IL12RB1: variants seen among roughly 807,000 people sequenced by gnomAD.
IL12RB1 encodes interleukin-12 receptor subunit beta-1.
In IL12RB1, 64 loss-of-function variants were observed where a neutral mutation model predicts 94.4. The ratio of observed to expected loss-of-function variants is 0.68; its 90% confidence interval spans 0.55 to 0.83. IL12RB1 has a LOEUF of 0.83. Among genes scored for constraint, IL12RB1 ranks in the 40% least tolerant of loss-of-function variants. IL12RB1 has a pLI of 0.00. For missense variants in IL12RB1, 814 were observed against 855.6 expected (o/e 0.95, Z 0.61); for synonymous variants, 362 against 355.5 (o/e 1.02, Z -0.21).
intron 2 of IL12RB1, chr19:18,083,002 G>A (rs567718897): frequency 3.5e-6 from 1 of 286,126 alleles, no homozygotes; most frequent in Admixed American, 4.7e-5. Flanking sequence ...AGAATAGCTT[G>A]AACCTGGAAG....
chr19:18,075,735 C>T lies in IL12RB1; in HGVS notation c.700+14G>A. ...TAATGCTTGCCCCTGTTCCTGTACT[C>T]AGAGTGATCTTACCAGGGGGAACGC... On this transcript the variant is annotated intron_variant, in intron 7 of 16. Coordinates refer to ENST00000593993, the MANE Select transcript of IL12RB1 (RefSeq NM_005535.3). The T allele has an allele frequency of 6.2e-7, 1 of 1,610,208 alleles. No individual in the cohort carries two copies. The highest frequency in any genetic ancestry group is 1.7e-5 in the Admixed American group (1 of 59,982).
chr19:18,084,283 T>TATCCATCCATCC lies in IL12RB1; in HGVS notation c.65-804_65-793dup, dbSNP rs201729346. 6.6e-3 allele frequency among the ~76,000 whole-genome samples: 860 copies of TATCCATCCATCC among 129,558 alleles called. 10 individuals carry two copies. Among genetic ancestry groups the TATCCATCCATCC allele is most frequent in the African/African-American group, 0.023 (784 of 33,764 alleles). 85.0% of individuals were successfully genotyped at this position (129,558 alleles called of 152,430 possible). A position where few individuals can be genotyped will look rare whatever the true frequency, so the allele number is the denominator to read the frequency against. On this transcript the variant is annotated intron_variant, in intron 1 of 16. Transcript: ENST00000593993. ...TCCATCCATCCACCCCCCATCCATC[T>TATCCATCCATCC]ATCCATCCATCCATCCATCCATCCA...
rs1568502518 is a variant in IL12RB1, at chr19:18,073,593, G to A, written c.707C>T (p.Pro236Leu). The A allele has an allele frequency of 1.2e-6, 2 of 1,609,030 alleles. No homozygotes were observed. Among genetic ancestry groups the A allele is most frequent in the Non-Finnish European group, 1.7e-6 (2 of 1,175,704 alleles). Residue 236 changes from proline (P) to leucine (L), a missense_variant, in exon 8 of 17, where the codon CCC becomes CTC. By Grantham distance (98) the Pro-to-Leu change is moderately conservative (BLOSUM62 -3). Coordinates refer to ENST00000593993, the MANE Select transcript of IL12RB1 (RefSeq NM_005535.3). ...CGAGAATCTCACCTGAGGCTGTGGG[G>A]GGTTTTCTGCAATCAGAACCAAACC... ...SSPVCVPPENPPQPQVRFSVE... is the reference protein window; with the variant it reads ...SSPVCVPPENLPQPQVRFSVE...
chr19:18,063,342 C>T (rs1032745789), intron 13 of IL12RB1, among the ~76,000 whole-genome samples: 14 of 151,974 alleles, frequency 9.2e-5, no homozygotes, highest in African/African-American at 2.9e-4. Flanking sequence ...AAGCAATCCT[C>T]CAGCCTCAGC....
intron 15 of IL12RB1, 142 bp downstream of exon 15, chr19:18,060,980 T>C: frequency 4.9e-6 from 3 of 609,022 alleles, no homozygotes; most frequent in Non-Finnish European, 9.2e-6. Context: ...CTGCCTGTCT[T>C]TAAAATGGGA....
intron 12 of IL12RB1, 131 bp from the exon 13 acceptor site, chr19:18,064,141 T>TTC: frequency 2.1e-6 from 1 of 468,514 alleles, no homozygotes; most frequent in Non-Finnish European, 3.7e-6. Context: ...TTTCTTTCTT[T>TTC]TTTTTTTTTT....
intron 12 of IL12RB1, among the ~76,000 whole-genome samples, chr19:18,064,673 C>T (rs2034443979): frequency 6.6e-6 from 1 of 151,702 alleles, no homozygotes; most frequent in Admixed American, 6.6e-5. Context: ...GAGGTTTCAC[C>T]ATGTTGGCCA....
At chr19:18,084,701 A>ATC (rs1568523051) in intron 1 of IL12RB1, among the ~76,000 whole-genome samples, 1 of 151,642 alleles carries the variant, frequency 6.6e-6, no homozygotes, top group Non-Finnish European at 1.5e-5. Flanking sequence ...ATCCATCCAT[A>ATC]CATACATACA....
At chr19:18,092,121 C>G (rs1394580839) in intron 1 of IL12RB1, among the ~76,000 whole-genome samples, 3 of 151,062 alleles carry the variant, frequency 2.0e-5, no homozygotes, top group African/African-American at 7.3e-5. Context: ...AAGTGATCTG[C>G]TGGCCTCGGC....
chr19:18,081,135 A>G, intron 3 of IL12RB1, 134 bp from the exon 4 acceptor site: 1 of 821,018 alleles, frequency 1.2e-6, no homozygotes, highest in Non-Finnish European at 1.9e-6. Flanking sequence ...TCATTCTGTC[A>G]CCCAGGCTGG....
At chr19:18,063,063 CCTTCTT>C (rs72009865) in intron 13 of IL12RB1, among the ~76,000 whole-genome samples, 3 of 136,202 alleles carry the variant, frequency 2.2e-5, no homozygotes, top group African/African-American at 2.9e-5. Context: ...TCTTTCTTCT[CCTTCTT>C]CTTCTTCTAT....
At chr19:18,079,659 C>T (rs1468581616) in intron 4 of IL12RB1, among the ~76,000 whole-genome samples, 1 of 151,916 alleles carries the variant, frequency 6.6e-6, no homozygotes, top group East Asian at 1.9e-4. Context: ...CCTGTAATCC[C>T]AGCACTTTGG....
chr19:18,083,126 T>TGG (rs5827396), intron 2 of IL12RB1: 107 of 445,632 alleles, frequency 2.4e-4, no homozygotes, highest in African/African-American at 1.3e-3. Flanking sequence ...TTTATCAGGT[T>TGG]GGGGGGGGGG....
chr19:18,075,348 C>T (rs966406384), intron 7 of IL12RB1, among the ~76,000 whole-genome samples: 2 of 151,526 alleles, frequency 1.3e-5, no homozygotes, highest in African/African-American at 2.4e-5. Flanking sequence ...GCAACCTCCA[C>T]CTCCCGGGTT....
At chr19:18,095,354 C>T (rs1056308669) in intron 1 of IL12RB1, among the ~76,000 whole-genome samples, 9 of 152,124 alleles carry the variant, frequency 5.9e-5, no homozygotes, top group African/African-American at 1.4e-4. Flanking sequence ...GGTCATGAAA[C>T]GGAATGAAGT....
chr19:18,088,488 C>T (rs2036482005), upstream of IL12RB1, among the ~76,000 whole-genome samples: 1 of 150,958 alleles, frequency 6.6e-6, no homozygotes, highest in Non-Finnish European at 1.5e-5. Flanking sequence ...GGCTTGAACC[C>T]AGGAGGTTGA....
intron 13 of IL12RB1, 31 bp from the exon 14 acceptor site, chr19:18,062,308 G>A (rs377244873): frequency 7.4e-7 from 1 of 1,353,932 alleles, no homozygotes. Flanking sequence ...TTGGCAGAGG[G>A]CTACCTCCTG....
At chr19:18,083,204 C>G in intron 2 of IL12RB1, 4 of 632,054 alleles carry the variant, frequency 6.3e-6, no homozygotes, top group Non-Finnish European at 1.1e-5. Context: ...GACACCAGCC[C>G]TGAGACCATG....
At chr19:18,097,511 T>C (rs773715487) in intron 1 of IL12RB1, among the ~76,000 whole-genome samples, 1 of 152,192 alleles carries the variant, frequency 6.6e-6, no homozygotes, top group Non-Finnish European at 1.5e-5. Flanking sequence ...GCGCTGGGCA[T>C]ATTGATTAAC....
Sources: allele counts gnomAD v4.1 joint callset (sites outside exome capture counted in the v4.1 genomes callset), GRCh38; gene constraint gnomAD v4.1.1; transcripts MANE v1.5; gene names NCBI Gene and HGNC (gene_info 2026-07-23, HGNC 2026-07-21).